Variants in MEGF9 observed in about 807,000 individuals in gnomAD.
MEGF9 encodes multiple epidermal growth factor-like domains protein 9.
A neutral mutation model predicts 46.8 loss-of-function variants in MEGF9; 6 were observed. The ratio of observed to expected loss-of-function variants is 0.13; its 90% confidence interval spans 0.07 to 0.25. The LOEUF is 0.25. Among genes scored for constraint, MEGF9 ranks in the 10% least tolerant of loss-of-function variants. MEGF9 has a pLI of 1.00. For synonymous variants in MEGF9, 302 were observed against 330.7 expected, an observed-to-expected ratio of 0.91 and a Z score of 0.94; for missense variants, 683 against 792.4, an observed-to-expected ratio of 0.86 and a Z score of 1.66.
intron 1 of MEGF9, among the ~76,000 whole-genome samples, chr9:120,672,419 C>A (rs894912263): frequency 1.4e-5 from 2 of 145,214 alleles, no homozygotes; most frequent in African/African-American, 5.4e-5. Context: ...ATAGTGAGAC[C>A]CCATCTCTAC....
rs551864550 is a variant in MEGF9 at position 120,650,819 on chromosome 9, T to C, written c.803+8555A>G. Among the ~76,000 whole-genome samples the C allele has an allele frequency of 1.4e-4, 21 of 152,144 alleles. No homozygotes were observed. In the East Asian group the frequency reaches 2.9e-3, roughly 21 times the overall value. On this transcript the variant is annotated intron_variant, in intron 2 of 5. Coordinates refer to ENST00000373930, the MANE Select transcript of MEGF9 (RefSeq NM_001080497.3). The stretch of plus-strand genomic sequence containing the variant: ...ATCAGGAAATTCACTGGAATTTTCA[T>C]GTTTTTTTTTTTCTCCTGATAGGTC...
At chr9:120,627,195 T>A (rs7870664) in intron 2 of MEGF9, among the ~76,000 whole-genome samples, 2,985 of 151,872 alleles carry the variant, frequency 0.02, 107 homozygotes, top group African/African-American at 0.069. Context: ...GGGGAAAAAA[T>A]TTTAATCGAG....
chr9:120,649,488 G>A (rs1381786335), intron 2 of MEGF9, among the ~76,000 whole-genome samples: 1 of 152,122 alleles, frequency 6.6e-6, no homozygotes, highest in African/African-American at 2.4e-5. Flanking sequence ...AGTGTGGCGG[G>A]GTGTGTGAAT....
intron 1 of MEGF9, among the ~76,000 whole-genome samples, chr9:120,674,011 C>A (rs1287794239): frequency 6.6e-6 from 1 of 150,572 alleles, no homozygotes; most frequent in East Asian, 1.9e-4. Context: ...TGGATCATAG[C>A]CCTAAATGTA....
At position 120,714,467 on chromosome 9, in the gene MEGF9, C is replaced by G. The variant is rs1370373021; in HGVS notation, c.-109G>C. On this transcript the variant is annotated 5_prime_UTR_variant, in exon 1 of 6. Transcript: ENST00000373930. ...CACCGGGCGCACCATCGCCACCTCC[C>G]TCTGACAGGCGGCCGGCCCCGCGGG... 1 of 1,002,066 alleles carries G rather than the reference C, an allele frequency of 1.0e-6. No individual in the cohort carries two copies. Among genetic ancestry groups the G allele is most frequent in the African/African-American group, 1.7e-5 (1 of 58,936 alleles). The allele number at this position is 1,002,066 out of a possible 1,614,324, so 62.1% of individuals were successfully genotyped here.
chr9:120,708,310 A>T (rs537192948), intron 1 of MEGF9, among the ~76,000 whole-genome samples: 1 of 152,310 alleles, frequency 6.6e-6, no homozygotes, highest in African/African-American at 2.4e-5. Context: ...GGTTGTAGTG[A>T]TCCGAGATGG....
intron 2 of MEGF9, among the ~76,000 whole-genome samples, chr9:120,652,083 T>C (rs1378535718): frequency 2.0e-5 from 3 of 147,180 alleles, no homozygotes; most frequent in South Asian, 2.2e-4. Flanking sequence ...GGGTGGTTGA[T>C]TTAATCCTCC....
Position 120,676,225 on chromosome 9 carries a change from G to A in MEGF9, c.602-16650C>T, listed in dbSNP as rs564218282. On this transcript the variant is annotated intron_variant, in intron 1 of 5. Transcript: ENST00000373930. Reference sequence around the variant, plus strand: ...GCAGACAGATCACTTGAGTCCACAAGTTCAGCCTGGGCAACATGGCAAAAC... The same window carrying A: ...GCAGACAGATCACTTGAGTCCACAAATTCAGCCTGGGCAACATGGCAAAAC... 2.0e-5 allele frequency among the ~76,000 whole-genome samples: 3 copies of A among 152,206 alleles called. No homozygotes were observed. The South Asian group carries it at 6.2e-4, about 32-fold the overall frequency.
Position 120,605,540 on chromosome 9 carries a change from T to C in MEGF9, c.1459A>G (p.Thr487Ala). The C allele has an allele frequency of 6.2e-7, 1 of 1,613,096 alleles. No individual in the cohort carries two copies. Among genetic ancestry groups the C allele is most frequent in the Non-Finnish European group, 8.5e-7 (1 of 1,179,366 alleles). ...ACTGAAAAGATAGTCTGCAGGGTTGTAGGGGTAAAAGTACTATTTATAACA... is the reference window on the plus strand; with the variant it reads ...ACTGAAAAGATAGTCTGCAGGGTTGCAGGGGTAAAAGTACTATTTATAACA... The part of the protein sequence containing the change: ...TPVINSTFTP[T>A]TLQTIFSVST... The change falls in exon 6 of 6, where the codon ACA (threonine) becomes GCA (alanine). Residue 487 changes from threonine to alanine, a missense_variant. Physicochemically the swap from Thr to Ala is moderately conservative, Grantham distance 58. Transcript: ENST00000373930. This position sits in a 1 kb window ranked among gnomAD's most constrained non-coding sequence, Gnocchi z 4.0.
chr9:120,659,295 T>A, intron 2 of MEGF9, 79 bp downstream of exon 2: 1 of 1,200,602 alleles, frequency 8.3e-7, no homozygotes, highest in South Asian at 1.5e-5. Flanking sequence ...TTTAAACCAG[T>A]ATGGTCCTTG....
At chr9:120,652,142 GCA>G (rs869130385) in intron 2 of MEGF9, among the ~76,000 whole-genome samples, 1,066 of 26,102 alleles carry the variant, frequency 0.041, 64 homozygotes, top group East Asian at 0.1. Context: ...AAACAAACAA[GCA>G]CACACACACA....
chr9:120,705,049 G>T (rs1297074937), intron 1 of MEGF9, among the ~76,000 whole-genome samples: 2 of 151,988 alleles, frequency 1.3e-5, no homozygotes, highest in African/African-American at 4.8e-5. Flanking sequence ...CTCAGAAGAA[G>T]GTGGCAGGGG....
rs1031840933 is a variant in MEGF9, at chr9:120,654,236, G to T, written c.803+5138C>A. Among the ~76,000 whole-genome samples, 19 of 151,952 alleles carry T rather than the reference G, an allele frequency of 1.3e-4. 1 individual carries two copies. Among genetic ancestry groups the T allele is most frequent in the African/African-American group, 3.4e-4 (14 of 41,330 alleles). On this transcript the variant is annotated intron_variant, in intron 2 of 5. Transcript: ENST00000373930. ...AAATCAACACACTTTGATGCTATGAGGATAATATAAAACCATGTGTTACCT... is the reference window on the plus strand; with the variant it reads ...AAATCAACACACTTTGATGCTATGATGATAATATAAAACCATGTGTTACCT...
chr9:120,639,505 C>CT (rs2043592894), intron 2 of MEGF9, among the ~76,000 whole-genome samples: 3 of 97,442 alleles, frequency 3.1e-5, no homozygotes, highest in African/African-American at 1.4e-4. Flanking sequence ...GAGACTCCGT[C>CT]TTTAAAAAAA....
intron 1 of MEGF9, among the ~76,000 whole-genome samples, chr9:120,695,162 TTAG>T (rs1252674755): frequency 6.6e-6 from 1 of 152,190 alleles, no homozygotes; most frequent in Non-Finnish European, 1.5e-5. Context: ...AATGATTTAT[TTAG>T]TATTTACTAC....
At chr9:120,660,644 T>G (rs189349206) in intron 1 of MEGF9, among the ~76,000 whole-genome samples, 1 of 152,352 alleles carries the variant, frequency 6.6e-6, no homozygotes, top group African/African-American at 2.4e-5. Context: ...GTTTTAGCCT[T>G]CTAATGCAAA....
chr9:120,618,874 G>GA, intron 3 of MEGF9, among the ~76,000 whole-genome samples: 1 of 150,594 alleles, frequency 6.6e-6, no homozygotes, highest in South Asian at 2.1e-4. Context: ...ACTCCAGCCT[G>GA]GTGACAGAGC....
Position 120,605,592 on chromosome 9 carries a change from G to A in MEGF9, c.1407C>T (p.Ala469=), listed in dbSNP as rs142576831. Residue 469 remains alanine (A), a synonymous_variant, in exon 6 of 6, where the codon GCC becomes GCT. Transcript: ENST00000373930. The surrounding 1 kb of genome is among the most constrained non-coding windows in gnomAD (Gnocchi z 4.0). ...PEGSTILVSN[A]SLTTSVPTPV... is the part of the protein sequence containing the mutation. ...GGGTGGGCACTGATGTGGTCAAAGA[G>A]GCATTGGAAACCAAAATGGTAGAAC... 6.2e-7 allele frequency: 1 copy of A among 1,600,222 alleles called. No homozygotes were observed. Among genetic ancestry groups the A allele is most frequent in the African/African-American group, 1.3e-5 (1 of 74,690 alleles).
intron 2 of MEGF9, among the ~76,000 whole-genome samples, chr9:120,631,489 T>TTC (rs2043550451): frequency 6.7e-6 from 1 of 150,284 alleles, no homozygotes; most frequent in East Asian, 2.0e-4. Flanking sequence ...TTGATTGCAT[T>TTC]TTTTTTTTTT....
Sources: gnomAD v4.1 joint callset for allele counts (sites outside exome capture counted in the v4.1 genomes callset) on GRCh38, gnomAD v4.1.1 for gene constraint, Gnocchi (gnomAD v3.1) non-coding constraint, MANE v1.5 for transcripts, NCBI Gene and HGNC (gene_info 2026-07-23, HGNC 2026-07-21) for gene names.